B3GLCT: variants seen among roughly 807,000 people sequenced by gnomAD.
B3GLCT encodes beta-1,3-glucosyltransferase.
In B3GLCT, 65 loss-of-function variants were observed where a neutral mutation model predicts 63.4. The ratio of observed to expected loss-of-function variants is 1.03; its 90% CI spans 0.84 to 1.26. The LOEUF is 1.26. B3GLCT is among the 50% of genes most tolerant of loss of function. B3GLCT has a pLI of 0.00. For missense variants in B3GLCT, 577 were observed against 604.8 expected, an observed-to-expected ratio of 0.95 and a Z score of 0.48; for synonymous variants, 233 against 219.2, an observed-to-expected ratio of 1.06 and a Z score of -0.55.
rs371768901 is a variant in B3GLCT, at chr13:31,246,951, C to G, written c.271-72C>G. The G allele has an allele frequency of 5.0e-4, 386 of 779,702 alleles. 2 individuals are homozygous for G. In the East Asian group the frequency reaches 0.011, roughly 23 times the overall value. 48.3% of individuals were successfully genotyped at this position (779,702 alleles called of 1,614,324 possible). On this transcript the variant is annotated intron_variant, in intron 4 of 14. Coordinates refer to ENST00000343307, the MANE Select transcript of B3GLCT (RefSeq NM_194318.4). ...TTTCTTTTTTCTTTTCTTTTCTTTTCTTTTTTTTTTTTTTTACTTTTTTTC... is the reference window on the plus strand; with the variant it reads ...TTTCTTTTTTCTTTTCTTTTCTTTTGTTTTTTTTTTTTTTTACTTTTTTTC...
chr13:31,241,323 AC>A (rs547598861), intron 4 of B3GLCT, among the ~76,000 whole-genome samples: 4 of 152,112 alleles, frequency 2.6e-5, no homozygotes, highest in Non-Finnish European at 5.9e-5. Flanking sequence ...GGAGCTGGAG[AC>A]CCCAAGAATC....
At chr13:31,270,996 C>T (rs1314658057) in intron 8 of B3GLCT, among the ~76,000 whole-genome samples, 6 of 152,216 alleles carry the variant, frequency 3.9e-5, no homozygotes, top group Non-Finnish European at 5.9e-5. Flanking sequence ...CCCCTACACA[C>T]GAGTTGAAGA....
intron 13 of B3GLCT, among the ~76,000 whole-genome samples, chr13:31,321,955 G>A (rs1478945617): frequency 2.0e-5 from 3 of 152,128 alleles, no homozygotes; most frequent in Admixed American, 6.6e-5. Context: ...AGTAGTGTAC[G>A]CTGTGTCCAG....
intron 7 of B3GLCT, among the ~76,000 whole-genome samples, chr13:31,266,503 T>C (rs148682813): frequency 1.3e-5 from 2 of 152,320 alleles, no homozygotes; most frequent in Non-Finnish European, 2.9e-5. Flanking sequence ...GCTTGGTGTA[T>C]AGAAAACTGA....
intron 4 of B3GLCT, among the ~76,000 whole-genome samples, chr13:31,233,594 G>A (rs9315117): frequency 0.61 from 93,163 of 151,832 alleles, 30,157 homozygotes; most frequent in Middle Eastern, 0.75. Flanking sequence ...GTGTGTGTAG[G>A]CCAAGCTGCT....
intron 4 of B3GLCT, among the ~76,000 whole-genome samples, chr13:31,229,843 A>AT (rs1008241335): frequency 1.3e-5 from 2 of 149,960 alleles, no homozygotes; most frequent in African/African-American, 4.9e-5. Context: ...ATATATATAT[A>AT]AAAATATATA....
rs922994461 is a variant in B3GLCT, at chr13:31,317,654, G to T, written c.1153G>T (p.Gly385Cys). The T allele has an allele frequency of 1.9e-6, 3 of 1,613,952 alleles. No individual in the cohort carries two copies. The African/African-American group carries it at 4.0e-5, about 22-fold the overall frequency. Reference protein sequence around the residue: ...GERYGYGLGTGGYSYITGGGG... With the variant: ...GERYGYGLGTCGYSYITGGGG... ...GCGCTACGGCTACGGCCTGGGCACT[G>T]GTGGCTACAGCTACATCACGGGAGG... The change falls in exon 13 of 15, where the codon GGT (glycine) becomes TGT (cysteine). Residue 385 changes from glycine (G) to cysteine (C), a missense_variant. By Grantham distance (159) the Gly-to-Cys change is radical. Coordinates refer to ENST00000343307, the MANE Select transcript of B3GLCT (RefSeq NM_194318.4).
In B3GLCT at chr13:31,219,621, T is replaced by C. The variant is rs115566935; in HGVS notation, c.121-3331T>C. On this transcript the variant is annotated intron_variant, in intron 2 of 14. Transcript: ENST00000343307. ...AGTTGTGGGGCTTAGTGAACCTCGCTGTGCTCAGCCTCCTCATCTGTAAGA... is the reference window on the plus strand; with the variant it reads ...AGTTGTGGGGCTTAGTGAACCTCGCCGTGCTCAGCCTCCTCATCTGTAAGA... 5.3e-3 allele frequency among the ~76,000 whole-genome samples: 814 copies of C among 152,324 alleles called. 10 individuals carry two copies. The highest frequency in any genetic ancestry group is 0.019 in the African/African-American group (792 of 41,570).
intron 13 of B3GLCT, 136 bp from the exon 14 acceptor site, chr13:31,323,615 A>C: frequency 3.1e-6 from 3 of 969,882 alleles, no homozygotes; most frequent in Non-Finnish European, 4.9e-6. Context: ...GGTTTTACCT[A>C]GAGCTCAGTA....
chr13:31,282,619 G>A (rs1287971695), intron 10 of B3GLCT, among the ~76,000 whole-genome samples: 1 of 142,998 alleles, frequency 7.0e-6, no homozygotes, highest in Non-Finnish European at 1.5e-5. Flanking sequence ...TCCAGCCTGG[G>A]CAACAGAGCG....
At chr13:31,295,212 A>G (rs1873872569) in intron 12 of B3GLCT, among the ~76,000 whole-genome samples, 1 of 152,116 alleles carries the variant, frequency 6.6e-6, no homozygotes, top group Non-Finnish European at 1.5e-5. Context: ...GGCACGCGCC[A>G]GATGTCAGCT....
intron 10 of B3GLCT, among the ~76,000 whole-genome samples, chr13:31,278,057 G>A (rs909153499): frequency 2.6e-5 from 4 of 151,968 alleles, no homozygotes; most frequent in Admixed American, 6.6e-5. Context: ...GAACTATACC[G>A]CTTTTTGTTT....
At chr13:31,225,849 C>G (rs1362503368) in intron 3 of B3GLCT, among the ~76,000 whole-genome samples, 1 of 152,186 alleles carries the variant, frequency 6.6e-6, no homozygotes, top group Non-Finnish European at 1.5e-5. Context: ...AGGCCCTTCC[C>G]CCATTTGAAA....
intron 11 of B3GLCT, 124 bp downstream of exon 11, chr13:31,284,885 T>TC: frequency 1.4e-6 from 1 of 701,716 alleles, no homozygotes; most frequent in Non-Finnish European, 2.5e-6. Flanking sequence ...ATTAGTTTTT[T>TC]CCCTTCTCTC....
chr13:31,247,312 C>T (rs1051771269), intron 5 of B3GLCT, among the ~76,000 whole-genome samples: 3 of 151,932 alleles, frequency 2.0e-5, no homozygotes, highest in African/African-American at 2.4e-5. Flanking sequence ...GACAGAGTCT[C>T]GCTCTGTCGC....
At chr13:31,305,314 G>T (rs1874367941) in intron 12 of B3GLCT, among the ~76,000 whole-genome samples, 1 of 114,652 alleles carries the variant, frequency 8.7e-6, no homozygotes, top group African/African-American at 3.0e-5. Context: ...CAGAAGGCAA[G>T]AAATAACTAA....
intron 10 of B3GLCT, 95 bp downstream of exon 10, chr13:31,276,866 G>C: frequency 1.1e-6 from 1 of 917,240 alleles, no homozygotes; most frequent in Non-Finnish European, 1.8e-6. Context: ...ATTCAGAAAA[G>C]GGATAATGAC....
At chr13:31,248,288 C>T (rs753588055) in intron 6 of B3GLCT, among the ~76,000 whole-genome samples, 6 of 152,130 alleles carry the variant, frequency 3.9e-5, no homozygotes, top group Non-Finnish European at 8.8e-5. Flanking sequence ...GCTATTTCTG[C>T]TTATTAGACA....
chr13:31,205,725 G>T (rs1026947667), intron 1 of B3GLCT, among the ~76,000 whole-genome samples: 11 of 152,120 alleles, frequency 7.2e-5, no homozygotes, highest in African/African-American at 2.4e-4. Flanking sequence ...AGAGAGTCTT[G>T]CTTAACAGAA....
Sources: gnomAD v4.1 joint callset for allele counts (sites outside exome capture counted in the v4.1 genomes callset) on GRCh38, gnomAD v4.1.1 for gene constraint, MANE v1.5 for transcripts, NCBI Gene and HGNC (gene_info 2026-07-23, HGNC 2026-07-21) for gene names.